The following ZKSCAN2 variants were observed in gnomAD, a reference collection of about 807,000 sequenced individuals.
ZKSCAN2 encodes the protein zinc finger with KRAB and SCAN domains 2.
Under a neutral mutation model 90.5 loss-of-function variants are expected in ZKSCAN2, and 38 were observed. That is an observed-to-expected ratio of 0.42 (90% CI 0.32 to 0.55). The LOEUF (loss-of-function observed/expected upper bound fraction) is 0.55. Among genes scored for constraint, ZKSCAN2 ranks in the 20% least tolerant of loss-of-function variants. The probability of loss-of-function intolerance (pLI) is 0.11; values close to 1 mark genes in which losing one functional copy is unlikely to be tolerated. For synonymous variants in ZKSCAN2, 429 were observed against 421.6 expected (o/e 1.02, Z -0.22); for missense variants, 1,167 against 1,202.6 (o/e 0.97, Z 0.44).
chr16:25,254,932 C>A (rs1963074070), intron 2 of ZKSCAN2, among the ~76,000 whole-genome samples: 1 of 151,602 alleles, frequency 6.6e-6, no homozygotes, highest in Non-Finnish European at 1.5e-5. Context: ...TAGCTGAGAC[C>A]ACAGGTGCAC....
Position 25,241,538 on chromosome 16 carries a change from A to T in ZKSCAN2, c.1982-800T>A, listed in dbSNP as rs149943775. On this transcript the variant is annotated intron_variant, in intron 6 of 6. Coordinates refer to ENST00000328086, the MANE Select transcript of ZKSCAN2 (RefSeq NM_001012981.5). ...ACAAACCACTTACCTACATTTAACT[A>T]TGACCTATTCATGGCCAATCTCATT... Among the ~76,000 whole-genome samples the T allele has an allele frequency of 1.5e-3, 226 of 152,344 alleles. 1 individual carries two copies. The highest frequency in any genetic ancestry group is 5.3e-3 in the African/African-American group (221 of 41,590).
rs766932600 is a variant in ZKSCAN2 at position 25,257,000 on chromosome 16, G to A, written c.128C>T (p.Thr43Ile). The change falls in exon 1 of 7, where the codon ACC becomes ATC. Residue 43 changes from threonine to isoleucine, a missense_variant. Physicochemically the swap from Thr to Ile is moderately conservative, Grantham distance 89 (BLOSUM62 -1). Transcript: ENST00000328086. Reference sequence around the variant, plus strand: ...GAATTGCCTGAAGCATTTGCGGAAGGTCTCAGAGCTATCCGATCCTTCCAG... The same window carrying A: ...GAATTGCCTGAAGCATTTGCGGAAGATCTCAGAGCTATCCGATCCTTCCAG... ...PILEGSDSSE[T>I]FRKCFRQFCY... 8.1e-6 allele frequency: 13 copies of A among 1,614,194 alleles called. No individual in the cohort carries two copies. Among genetic ancestry groups the A allele is most frequent in the Admixed American group, 1.7e-5 (1 of 60,020 alleles).
At position 25,256,782 on chromosome 16, in the gene ZKSCAN2, C is replaced by G. The variant is rs1472596131; in HGVS notation, c.346G>C (p.Ala116Pro). ...TCCAAATGCACTACCAGGGCCACCG[C>G]TTCCTCTCCACTTTGCGGACACTGC... The part of the protein sequence containing the change: ...QKQCPQSGEE[A>P]VALVVHLEKE... Residue 116 changes from alanine (A) to proline (P), a missense_variant, in exon 1 of 7, where the codon GCG becomes CCG. By Grantham distance (27) the Ala-to-Pro change is conservative. Transcript: ENST00000328086. The G allele has an allele frequency of 6.2e-7, 1 of 1,614,086 alleles. No individual in the cohort carries two copies.
In ZKSCAN2 at chr16:25,239,822, AG is replaced by A; in HGVS notation, c.2897del (p.Thr966IlefsTer18). The A allele has an allele frequency of 6.3e-7, 1 of 1,575,112 alleles. No individual in the cohort carries two copies. Among genetic ancestry groups the A allele is most frequent in the Non-Finnish European group, 8.6e-7 (1 of 1,162,456 alleles). ...TAGGAAGAGAAGATCATCATCAAAAAGTTTTCCTAAATTCATCAGTCTTTCC... is the reference window on the plus strand; with the variant it reads ...TAGGAAGAGAAGATCATCATCAAAAATTTTCCTAAATTCATCAGTCTTTCC... ...HKGKTDEFRK[T>X]F On this transcript the variant is annotated frameshift_variant, in exon 7 of 7. Transcript: ENST00000328086. LOFTEE classifies it high-confidence loss of function.
rs1472818106 is a variant in ZKSCAN2, at chr16:25,238,508, A to G, written c.*1308T>C. The G allele has an allele frequency of 1.3e-5, 2 of 152,224 alleles. No homozygotes were observed. Among genetic ancestry groups the G allele is most frequent in the Non-Finnish European group, 2.9e-5 (2 of 68,030 alleles). 9.4% of individuals were successfully genotyped at this position (152,224 alleles called of 1,614,324 possible). On this transcript the variant is annotated 3_prime_UTR_variant, in exon 7 of 7. Coordinates refer to ENST00000328086, the MANE Select transcript of ZKSCAN2 (RefSeq NM_001012981.5). ...CCGGGGGTTCTCAAAGAGATTTTTC[A>G]GACAAAACAAGTAAATGAGGAAAAC...
At position 25,236,065 on chromosome 16, in the gene ZKSCAN2, A is replaced by C. The variant is rs1195586530; in HGVS notation, c.*3751T>G. On this transcript the variant is annotated 3_prime_UTR_variant, in exon 7 of 7. Transcript: ENST00000328086. ...TTATTCCACAAACAAGTTTTCAAGA[A>C]GACATCTAAGTGAACACTGATACAA... 1 of 152,260 alleles carries C rather than the reference A, an allele frequency of 6.6e-6. No homozygotes were observed. Among genetic ancestry groups the C allele is most frequent in the Admixed American group, 6.5e-5 (1 of 15,282 alleles). The allele number at this position is 152,260 out of a possible 1,614,324, so 9.4% of individuals were successfully genotyped here. A position where few individuals can be genotyped will look rare whatever the true frequency, so the allele number is the denominator to read the frequency against.
chr16:25,244,653 C>G (rs2141362555), intron 5 of ZKSCAN2, among the ~76,000 whole-genome samples: 1 of 152,290 alleles, frequency 6.6e-6, no homozygotes. Flanking sequence ...TGGTGATTAA[C>G]TAAATGATTT....
In ZKSCAN2 at chr16:25,257,393, T is replaced by C. The variant is rs1026880497; in HGVS notation, c.-266A>G. 19 of 1,181,502 alleles carry C rather than the reference T, an allele frequency of 1.6e-5. No homozygotes were observed. In the African/African-American group the frequency reaches 2.7e-4, roughly 17 times the overall value. 73.2% of individuals were successfully genotyped at this position (1,181,502 alleles called of 1,614,324 possible). A position where few individuals can be genotyped will look rare whatever the true frequency, so the allele number is the denominator to read the frequency against. On this transcript the variant is annotated 5_prime_UTR_variant, in exon 1 of 7. Transcript: ENST00000328086. ...AATGTGGTTTTCCAGAGTGCATCCC[T>C]CTTAGTGCAAAGTCGGAAACCGGGA...
At position 25,257,174 on chromosome 16, in the gene ZKSCAN2, C is replaced by G; in HGVS notation, c.-47G>C. The G allele has an allele frequency of 6.8e-7, 1 of 1,479,594 alleles. No homozygotes were observed. Among genetic ancestry groups the G allele is most frequent in the Non-Finnish European group, 9.0e-7 (1 of 1,112,444 alleles). The allele number at this position is 1,479,594 out of a possible 1,614,324, so 91.7% of individuals were successfully genotyped here. A position where few individuals can be genotyped will look rare whatever the true frequency, so the allele number is the denominator to read the frequency against. On this transcript the variant is annotated 5_prime_UTR_variant, in exon 1 of 7. Transcript: ENST00000328086. ...TCACGTCTAGCTCAAGGTGGGGACCCAAAGAAGACTCCAAGCGCTCCCTGC... is the reference window on the plus strand; with the variant it reads ...TCACGTCTAGCTCAAGGTGGGGACCGAAAGAAGACTCCAAGCGCTCCCTGC...
At chr16:25,245,508 G>A (rs1962918881) in intron 5 of ZKSCAN2, among the ~76,000 whole-genome samples, 1 of 152,170 alleles carries the variant, frequency 6.6e-6, no homozygotes, top group African/African-American at 2.4e-5. Context: ...GCTCATGCCT[G>A]TAATCCCAGC....
At chr16:25,246,679 T>C in intron 5 of ZKSCAN2, 28 bp downstream of exon 5, 6 of 1,612,674 alleles carry the variant, frequency 3.7e-6, no homozygotes, top group Non-Finnish European at 4.2e-6. Context: ...TCTGTTTTCC[T>C]ACCAGAGAAA....
At chr16:25,251,240 C>T (rs1963016376) in intron 4 of ZKSCAN2, among the ~76,000 whole-genome samples, 1 of 151,926 alleles carries the variant, frequency 6.6e-6, no homozygotes, top group Non-Finnish European at 1.5e-5. Flanking sequence ...AAAAAAAAGC[C>T]TTATATCTTA....
chr16:25,246,577 GCCACA>G, intron 5 of ZKSCAN2, 125 bp downstream of exon 5: 1 of 907,706 alleles, frequency 1.1e-6, no homozygotes, highest in Non-Finnish European at 1.7e-6. Flanking sequence ...CAGTGATGTG[GCCACA>G]CCACAGTGAA....
rs757743340 is a variant in ZKSCAN2, at chr16:25,240,462, T to G, written c.2258A>C (p.Tyr753Ser). The G allele has an allele frequency of 6.2e-7, 1 of 1,614,168 alleles. No individual in the cohort carries two copies. Among genetic ancestry groups the G allele is most frequent in the Admixed American group, 1.7e-5 (1 of 60,030 alleles). ...AGTGCTCCTTCCAAAGCTTTCTCCATATTTGAGAAGTCTGTAGGGTCTCTT... is the reference window on the plus strand; with the variant it reads ...AGTGCTCCTTCCAAAGCTTTCTCCAGATTTGAGAAGTCTGTAGGGTCTCTT... Reference protein sequence around the residue: ...VGKRPYRLLKYGESFGRSTRL... With the variant: ...VGKRPYRLLKSGESFGRSTRL... The change falls in exon 7 of 7, where the codon TAT becomes TCT. Residue 753 changes from tyrosine (Y) to serine (S), a missense_variant. Tyr to Ser is a moderately radical substitution (Grantham distance 144, BLOSUM62 -2). Coordinates refer to ENST00000328086, the MANE Select transcript of ZKSCAN2 (RefSeq NM_001012981.5).
chr16:25,255,064 C>G, intron 2 of ZKSCAN2, 142 bp downstream of exon 2: 1 of 806,186 alleles, frequency 1.2e-6, no homozygotes, highest in Non-Finnish European at 1.8e-6. Context: ...GCACATGTTC[C>G]TAATTCTTGA....
rs1222286163 is a variant in ZKSCAN2, at chr16:25,238,647, T to C, written c.*1169A>G. 1 of 152,192 alleles carries C rather than the reference T, an allele frequency of 6.6e-6. No individual in the cohort carries two copies. Among genetic ancestry groups the C allele is most frequent in the Non-Finnish European group, 1.5e-5 (1 of 68,032 alleles). 9.4% of individuals were successfully genotyped at this position (152,192 alleles called of 1,614,324 possible). ...TGGCACACTACAGTTAGGTTTCTGATGCGGTGAACAGGGACTAGAAGCCTC... is the reference window on the plus strand; with the variant it reads ...TGGCACACTACAGTTAGGTTTCTGACGCGGTGAACAGGGACTAGAAGCCTC... On this transcript the variant is annotated 3_prime_UTR_variant, in exon 7 of 7. Transcript: ENST00000328086.
At chr16:25,246,576 G>T in intron 5 of ZKSCAN2, 131 bp downstream of exon 5, 1 of 899,724 alleles carries the variant, frequency 1.1e-6, no homozygotes. Context: ...TCAGTGATGT[G>T]GCCACACCAC....
rs757186138 is a variant in ZKSCAN2, at chr16:25,240,182, A to C, written c.2538T>G (p.Leu846=). ...CGGTGTGCGTTCTCTGATGTATAAT[A>C]AGACTAGAGCTCTGACTAAAGCATT... ...CGKCFSQSSS[L]IIHQRTHTGE... The change falls in exon 7 of 7, where the codon CTT becomes CTG. Residue 846 remains leucine, a synonymous_variant. Transcript: ENST00000328086. 3.7e-6 allele frequency: 6 copies of C among 1,614,130 alleles called. 1 individual carries two copies. In the South Asian group the frequency reaches 6.6e-5, roughly 18 times the overall value.
chr16:25,244,328 C>T (rs751816191), intron 5 of ZKSCAN2, 52 bp from the exon 6 acceptor site: 2 of 1,558,548 alleles, frequency 1.3e-6, no homozygotes, highest in East Asian at 4.5e-5. Context: ...GAGTCTCTAG[C>T]CTCTATACTA....
Sources: gnomAD v4.1 joint callset for allele counts (sites outside exome capture counted in the v4.1 genomes callset) on GRCh38, gnomAD v4.1.1 for gene constraint, MANE v1.5 for transcripts, NCBI Gene and HGNC (gene_info 2026-07-23, HGNC 2026-07-21) for gene names.